NCOR2: variants seen among roughly 807,000 people sequenced by gnomAD.
NCOR2 encodes the protein CTG repeat protein 26.
In NCOR2, 81 loss-of-function variants were observed where a neutral mutation model predicts 262.9. The ratio of observed to expected loss-of-function variants is 0.31; its 90% confidence interval spans 0.26 to 0.37. The LOEUF (loss-of-function observed/expected upper bound fraction) is 0.37. NCOR2 is among the 10% of genes least tolerant of loss of function. The probability of loss-of-function intolerance (pLI) is 1.00; values close to 1 mark genes in which losing one functional copy is unlikely to be tolerated. For missense variants in NCOR2, 3,385 were observed against 3,621.4 expected, an observed-to-expected ratio of 0.93 and a Z score of 1.68; for synonymous variants, 1,659 against 1,559.3, an observed-to-expected ratio of 1.06 and a Z score of -1.51.
chr12:124,342,025 C>T (rs745529747), exon 34 of NCOR2: 69 of 1,612,558 alleles, frequency 4.3e-5, no homozygotes, highest in African/African-American at 5.3e-5. Flanking sequence ...GGTACAGGTG[C>T]GGGTAGGTGG....
At chr12:124,385,463 G>A (rs1327312305) in intron 17 of NCOR2, among the ~76,000 whole-genome samples, 1 of 152,176 alleles carries the variant, frequency 6.6e-6, no homozygotes, top group African/African-American at 2.4e-5. Context: ...AGGGCTGAGG[G>A]CCCCCAGAGG....
At chr12:124,488,841 C>T (rs1429481732) in intron 1 of NCOR2, among the ~76,000 whole-genome samples, 1 of 152,172 alleles carries the variant, frequency 6.6e-6, no homozygotes. Flanking sequence ...CCGATAGTGC[C>T]CACGGCAGCC....
intron 4 of NCOR2, among the ~76,000 whole-genome samples, chr12:124,469,408 T>C (rs1363986921): frequency 2.0e-5 from 3 of 151,824 alleles, no homozygotes; most frequent in South Asian, 2.1e-4. Context: ...AAGAAGGGCA[T>C]CAAAATGCTC....
intron 13 of NCOR2, among the ~76,000 whole-genome samples, chr12:124,414,024 C>T (rs1013054311): frequency 6.6e-6 from 1 of 151,766 alleles, no homozygotes; most frequent in Non-Finnish European, 1.5e-5. Context: ...GCATCCGACT[C>T]CCCACTGACA....
intron 1 of NCOR2, among the ~76,000 whole-genome samples, chr12:124,544,261 T>C (rs2137234687): frequency 6.6e-6 from 1 of 152,336 alleles, no homozygotes; most frequent in East Asian, 1.9e-4. Flanking sequence ...AACTCAGGTT[T>C]AGCCCCACAG....
intron 20 of NCOR2, among the ~76,000 whole-genome samples, chr12:124,371,637 CGGCCTGCATGGTGCCCCCAGGCTCCT>C (rs974005916): frequency 6.6e-6 from 1 of 152,192 alleles, no homozygotes; most frequent in Non-Finnish European, 1.5e-5. Flanking sequence ...GGCTGCGTCT[CGGCCTGCATGGTGCCCCCAGGCTCCT>C]GGCCTCCAGG....
chr12:124,401,680 C>T (rs1181970052), intron 14 of NCOR2, among the ~76,000 whole-genome samples: 1 of 152,232 alleles, frequency 6.6e-6, no homozygotes. Flanking sequence ...GGGGCTCTCG[C>T]AGAAGTGACT....
chr12:124,360,232 C>T (rs1317447998), intron 22 of NCOR2, among the ~76,000 whole-genome samples: 1 of 152,370 alleles, frequency 6.6e-6, no homozygotes, highest in East Asian at 1.9e-4. Flanking sequence ...CAGAGCCACA[C>T]CCTGGGCCGC....
rs1174262542 is a variant in NCOR2 at position 124,482,984 on chromosome 12, T to A, written c.411+612A>T. The stretch of plus-strand genomic sequence containing the variant: ...AGTGCTGAGCCAACTCTGTCTCATC[T>A]CACTTTGCGGGACTCTGGAGTCTCC... On this transcript the variant is annotated intron_variant, in intron 3 of 46. Transcript: ENST00000405201. The surrounding 1 kb of genome is among the most constrained non-coding windows in gnomAD (Gnocchi z 6.3). Among the ~76,000 whole-genome samples the A allele has an allele frequency of 6.6e-6, 1 of 152,022 alleles. No homozygotes were observed. Among genetic ancestry groups the A allele is most frequent in the Non-Finnish European group, 1.5e-5 (1 of 67,988 alleles).
chr12:124,424,188 GT>G (rs1489234000), intron 11 of NCOR2, among the ~76,000 whole-genome samples: 1 of 152,178 alleles, frequency 6.6e-6, no homozygotes, highest in African/African-American at 2.4e-5. Context: ...GCCGCAGAAA[GT>G]CTCCCAGAAC....
In NCOR2 at chr12:124,483,720, C is replaced by T. The variant is rs766153237; in HGVS notation, c.287G>A (p.Gly96Glu). The stretch of plus-strand genomic sequence containing the variant: ...TTCAATGAACTCCATCTCTGACTTC[C>T]CCAGCTCGGGCAGGTATGAGTGGGA... The change falls in exon 3 of 47, where the codon GGG becomes GAG. Residue 96 changes from glycine to glutamate, a missense_variant. Physicochemically the swap from Gly to Glu is moderately conservative, Grantham distance 98. Coordinates refer to ENST00000405201, the Ensembl canonical transcript of NCOR2. The surrounding 1 kb of genome is among the most constrained non-coding windows in gnomAD (Gnocchi z 6.3). 6.2e-7 allele frequency: 1 copy of T among 1,611,534 alleles called. No homozygotes were observed. Among genetic ancestry groups the T allele is most frequent in the South Asian group, 1.1e-5 (1 of 90,478 alleles).
At chr12:124,354,575 G>C (rs375500659) in exon 26 of NCOR2, 1 of 1,584,152 alleles carries the variant, frequency 6.3e-7, no homozygotes, top group Non-Finnish European at 8.6e-7. Context: ...TCACTCCGCT[G>C]AAGGGTGCTG....
intron 1 of NCOR2, chr12:124,555,755 G>A (rs908136502): frequency 1.3e-5 from 2 of 152,238 alleles, no homozygotes; most frequent in African/African-American, 4.8e-5. Flanking sequence ...AGGAGCAAGG[G>A]CCAGGAAGGA....
intron 19 of NCOR2, among the ~76,000 whole-genome samples, 196 bp downstream of exon 21, chr12:124,374,217 C>T (rs1389232298): frequency 1.3e-5 from 2 of 152,208 alleles, no homozygotes; most frequent in Admixed American, 6.5e-5. Flanking sequence ...AACTGGTCTG[C>T]TGGAGTGAGC....
chr12:124,497,351 C>G (rs945893676), upstream of NCOR2, among the ~76,000 whole-genome samples: 1 of 152,250 alleles, frequency 6.6e-6, no homozygotes, highest in Non-Finnish European at 1.5e-5. The surrounding 1 kb of genome is among the most constrained non-coding windows in gnomAD (Gnocchi z 4.2). Flanking sequence ...ACACGTCCCG[C>G]TCCACCATCG....
chr12:124,394,646 A>AGCCAGGGACT (rs1387535368), intron 16 of NCOR2, among the ~76,000 whole-genome samples: 2 of 152,190 alleles, frequency 1.3e-5, no homozygotes, highest in Non-Finnish European at 2.9e-5. Context: ...TGTGGTCATG[A>AGCCAGGGACT]GCCAGGGACT....
chr12:124,558,567 G>A (rs1342432729), intron 1 of NCOR2, among the ~76,000 whole-genome samples: 7 of 152,190 alleles, frequency 4.6e-5, no homozygotes, highest in Non-Finnish European at 8.8e-5. Context: ...AGGTGGCTGG[G>A]ACCACGTCTC....
intron 1 of NCOR2, among the ~76,000 whole-genome samples, chr12:124,493,747 T>C (rs1301983994): frequency 1.3e-5 from 2 of 152,176 alleles, no homozygotes; most frequent in Non-Finnish European, 2.9e-5. Flanking sequence ...TATAAAATCA[T>C]TTCCCACTGG....
At chr12:124,358,855 C>A (rs938225266) in intron 22 of NCOR2, among the ~76,000 whole-genome samples, 1 of 152,216 alleles carries the variant, frequency 6.6e-6, no homozygotes, top group Non-Finnish European at 1.5e-5. Flanking sequence ...TTTATTCTCA[C>A]AGCACCCTAC....
Sources: allele counts gnomAD v4.1 joint callset (sites outside exome capture counted in the v4.1 genomes callset), GRCh38; gene constraint gnomAD v4.1.1; non-coding constraint Gnocchi (gnomAD v3.1); transcripts MANE v1.5; gene names NCBI Gene and HGNC (gene_info 2026-07-23, HGNC 2026-07-21).